WWOX: variants seen among roughly 807,000 people sequenced by gnomAD.
WWOX encodes WW domain containing oxidoreductase.
In WWOX, 69 loss-of-function variants were observed where a neutral mutation model predicts 46.2. The ratio of observed to expected loss-of-function variants is 1.49; its 90% CI spans 1.23 to 1.82. The LOEUF (loss-of-function observed/expected upper bound fraction) is 1.82, where lower values mean the gene tolerates loss of function less well. Among genes scored for constraint, WWOX ranks in the 40% most tolerant of loss-of-function variants. WWOX has a pLI of 0.00. For missense variants in WWOX, 919 were observed against 542.6 expected, an observed-to-expected ratio of 1.69 and a Z score of -6.89; for synonymous variants, 359 against 202.6, an observed-to-expected ratio of 1.77 and a Z score of -6.56.
chr16:78,518,991 G>A (rs369826166), intron 8 of WWOX, among the ~76,000 whole-genome samples: 3 of 152,334 alleles, frequency 2.0e-5, no homozygotes, highest in East Asian at 3.9e-4. Context: ...CTTCTGAGCT[G>A]ATTTCTCACC....
At chr16:79,043,032 G>A (rs2048001909) in intron 8 of WWOX, among the ~76,000 whole-genome samples, 1 of 152,004 alleles carries the variant, frequency 6.6e-6, no homozygotes, top group Non-Finnish European at 1.5e-5. Flanking sequence ...GATGTAATGG[G>A]ACAGGCTCTC....
intron 8 of WWOX, among the ~76,000 whole-genome samples, chr16:78,568,721 T>G (rs754424896): frequency 5.3e-5 from 8 of 152,250 alleles, no homozygotes; most frequent in Middle Eastern, 3.4e-3. Context: ...GTGATCTACC[T>G]GCCTCGGCCT....
At chr16:78,881,346 A>C (rs2151215597) in intron 8 of WWOX, among the ~76,000 whole-genome samples, 1 of 152,280 alleles carries the variant, frequency 6.6e-6, no homozygotes, top group Admixed American at 6.5e-5. Context: ...CCCAGGCAAA[A>C]TCTGAAAAAT....
At chr16:78,978,146 C>A (rs567141228) in intron 8 of WWOX, among the ~76,000 whole-genome samples, 2 of 152,282 alleles carry the variant, frequency 1.3e-5, no homozygotes, top group Non-Finnish European at 2.9e-5. Context: ...TCAAGGTTGA[C>A]CCACATTGTG....
At chr16:78,247,175 T>C (rs1244380668) in intron 5 of WWOX, among the ~76,000 whole-genome samples, 3 of 152,066 alleles carry the variant, frequency 2.0e-5, no homozygotes, top group African/African-American at 4.8e-5. Context: ...GTGTGTAAAA[T>C]CATGGCGGTG....
chr16:78,519,854 A>C (rs2043311693), intron 8 of WWOX, among the ~76,000 whole-genome samples: 1 of 152,190 alleles, frequency 6.6e-6, no homozygotes, highest in Non-Finnish European at 1.5e-5. Context: ...TGTGAGAAAT[A>C]AATTTGTTAC....
chr16:79,103,187 T>C (rs1175917226), intron 8 of WWOX, among the ~76,000 whole-genome samples: 1 of 152,210 alleles, frequency 6.6e-6, no homozygotes. Context: ...CCCTAGCCAT[T>C]AGCCAAGGCC....
intron 8 of WWOX, among the ~76,000 whole-genome samples, chr16:78,583,469 C>G (rs552402566): frequency 1.3e-5 from 2 of 152,152 alleles, no homozygotes; most frequent in Admixed American, 6.5e-5. Context: ...AAGAAGAATT[C>G]TTTTTCTCTT....
chr16:78,829,230 A>T (rs1046183826), intron 8 of WWOX, among the ~76,000 whole-genome samples: 1 of 152,236 alleles, frequency 6.6e-6, no homozygotes, highest in Non-Finnish European at 1.5e-5. Flanking sequence ...ATGGAAGCCC[A>T]GAAGTCCCAA....
chr16:79,057,469 GTCTT>G (rs1380656365), intron 8 of WWOX, among the ~76,000 whole-genome samples: 1 of 152,190 alleles, frequency 6.6e-6, no homozygotes, highest in Non-Finnish European at 1.5e-5. Flanking sequence ...TCTCATTAGA[GTCTT>G]TCTGTAAAGA....
intron 5 of WWOX, chr16:78,167,975 G>T (rs761919169): frequency 1.3e-5 from 2 of 152,078 alleles, no homozygotes; most frequent in East Asian, 1.9e-4. Flanking sequence ...TCAAGCTGCT[G>T]GCCAGCTTGA....
chr16:78,435,898 T>G (rs1238275879), intron 8 of WWOX, among the ~76,000 whole-genome samples: 1 of 152,196 alleles, frequency 6.6e-6, no homozygotes, highest in Non-Finnish European at 1.5e-5. Flanking sequence ...ATATAGAATT[T>G]CTGCAGTTAT....
chr16:79,075,026 C>T (rs949793138), intron 8 of WWOX, among the ~76,000 whole-genome samples: 1 of 152,194 alleles, frequency 6.6e-6, no homozygotes, highest in Non-Finnish European at 1.5e-5. Flanking sequence ...ACCCCAAAGA[C>T]CCCAGAGAAA....
intron 8 of WWOX, among the ~76,000 whole-genome samples, chr16:78,993,454 A>C (rs1418150285): frequency 6.6e-6 from 1 of 152,200 alleles, no homozygotes; most frequent in African/African-American, 2.4e-5. Context: ...GGATAAGAGA[A>C]GAGTAATTAT....
At chr16:78,562,480 C>G (rs533272258) in intron 8 of WWOX, among the ~76,000 whole-genome samples, 6 of 152,314 alleles carry the variant, frequency 3.9e-5, no homozygotes, top group Admixed American at 3.3e-4. Flanking sequence ...GGCCCCTAAC[C>G]TCCCAGGTTC....
chr16:78,556,425 G>A (rs989744802), intron 8 of WWOX, among the ~76,000 whole-genome samples: 5 of 152,136 alleles, frequency 3.3e-5, no homozygotes, highest in African/African-American at 7.2e-5. Flanking sequence ...CTCAGAGCAC[G>A]GGGAACGGTC....
intron 8 of WWOX, among the ~76,000 whole-genome samples, chr16:79,146,464 G>A (rs552112704): frequency 2.6e-5 from 4 of 152,278 alleles, no homozygotes; most frequent in South Asian, 2.1e-4. Flanking sequence ...CAGCGTAGTA[G>A]AAGGGTCTTG....
chr16:78,671,471 A>C (rs1259873647), intron 8 of WWOX, among the ~76,000 whole-genome samples: 1 of 152,128 alleles, frequency 6.6e-6, no homozygotes, highest in Non-Finnish European at 1.5e-5. Context: ...GTTTTAAGAC[A>C]ATTTGCCTGT....
intron 8 of WWOX, among the ~76,000 whole-genome samples, chr16:78,760,461 C>G (rs1336594860): frequency 6.6e-6 from 1 of 152,186 alleles, no homozygotes. Flanking sequence ...GTAGCATACT[C>G]ACAGGTGGGA....
Sources: allele counts gnomAD v4.1 joint callset (sites outside exome capture counted in the v4.1 genomes callset), GRCh38; gene constraint gnomAD v4.1.1; transcripts MANE v1.5; gene names NCBI Gene and HGNC (gene_info 2026-07-23, HGNC 2026-07-21).